TMEM232: variants seen among roughly 807,000 people sequenced by gnomAD.
The protein encoded by TMEM232 is transmembrane protein 232.
TMEM232 carries 80 observed loss-of-function variants against 78.8 expected under a neutral mutation model. The observed-to-expected ratio is 1.01, with a 90% CI of 0.85 to 1.22. The LOEUF is 1.22. Among genes scored for constraint, TMEM232 ranks in the 50% most tolerant of loss-of-function variants. TMEM232 has a pLI of 0.00. For synonymous variants in TMEM232, 297 were observed against 254.3 expected, an observed-to-expected ratio of 1.17 and a Z score of -1.60; for missense variants, 881 against 742.2, an observed-to-expected ratio of 1.19 and a Z score of -2.17.
chr5:110,440,754 ACG>A (rs1554078837), intron 12 of TMEM232, among the ~76,000 whole-genome samples: 12 of 152,266 alleles, frequency 7.9e-5, no homozygotes, highest in Non-Finnish European at 2.9e-5. Context: ...GAGGCAACCT[ACG>A]CACTATCTTC....
chr5:110,713,037 G>T (rs755207806), intron 1 of TMEM232, among the ~76,000 whole-genome samples: 2 of 151,886 alleles, frequency 1.3e-5, no homozygotes, highest in Non-Finnish European at 2.9e-5. Flanking sequence ...AGTGGATAGA[G>T]AAAATGTTTT....
chr5:110,629,267 T>C (rs894126903), intron 5 of TMEM232, among the ~76,000 whole-genome samples: 4 of 151,980 alleles, frequency 2.6e-5, no homozygotes, highest in Admixed American at 2.0e-4. Context: ...AAAAATGTAA[T>C]AGGGGACAAA....
intron 2 of TMEM232, among the ~76,000 whole-genome samples, chr5:110,661,112 T>C (rs1449279870): frequency 1.3e-5 from 2 of 152,228 alleles, no homozygotes; most frequent in African/African-American, 4.8e-5. Flanking sequence ...CTGAATTATT[T>C]TACTTAACAT....
chr5:110,695,596 C>A (rs907517535), intron 1 of TMEM232, among the ~76,000 whole-genome samples: 3 of 151,986 alleles, frequency 2.0e-5, no homozygotes, highest in Non-Finnish European at 4.4e-5. Flanking sequence ...ATCAAATAGA[C>A]ACAATAAAAA....
chr5:110,565,038 T>G (rs2149672966), intron 11 of TMEM232, among the ~76,000 whole-genome samples: 1 of 152,118 alleles, frequency 6.6e-6, no homozygotes, highest in South Asian at 2.1e-4. Context: ...ACTTCATAGC[T>G]TACTTATCCT....
At chr5:110,408,015 AT>A (rs1351757004) in intron 2 of TMEM232, among the ~76,000 whole-genome samples, 2 of 152,104 alleles carry the variant, frequency 1.3e-5, no homozygotes, top group African/African-American at 4.8e-5. Flanking sequence ...TGAAATTTAA[AT>A]TTTTTTAAAC....
At chr5:110,576,493 T>G (rs894488870) in intron 10 of TMEM232, among the ~76,000 whole-genome samples, 6 of 152,220 alleles carry the variant, frequency 3.9e-5, no homozygotes, top group Admixed American at 1.3e-4. Flanking sequence ...CTATTCCTAT[T>G]AAACTATCAC....
At chr5:110,485,836 G>A (rs866492062) in intron 12 of TMEM232, among the ~76,000 whole-genome samples, 1 of 151,974 alleles carries the variant, frequency 6.6e-6, no homozygotes, top group Non-Finnish European at 1.5e-5. Flanking sequence ...GATACCCAGT[G>A]GTGAGATTGT....
At chr5:110,642,402 A>C in intron 2 of TMEM232, 31 bp from the exon 3 acceptor site, 3 of 1,449,952 alleles carry the variant, frequency 2.1e-6, no homozygotes, top group Non-Finnish European at 2.8e-6. Context: ...TTAACATTTA[A>C]AAAGTATAGC....
intron 6 of TMEM232, 80 bp from the exon 7 acceptor site, chr5:110,625,513 C>T (rs1580407222): frequency 3.1e-6 from 4 of 1,296,798 alleles, no homozygotes; most frequent in East Asian, 5.4e-5. Context: ...AGCTATTAAA[C>T]TATAATTAAA....
intron 8 of TMEM232, among the ~76,000 whole-genome samples, chr5:110,606,980 A>G (rs1229689123): frequency 1.3e-5 from 2 of 151,830 alleles, no homozygotes; most frequent in Non-Finnish European, 2.9e-5. Flanking sequence ...ATAGCTGTTT[A>G]TTGCCTTGAT....
chr5:110,396,468 A>G (rs1250744612), intron 3 of TMEM232, among the ~76,000 whole-genome samples: 1 of 152,166 alleles, frequency 6.6e-6, no homozygotes, highest in Non-Finnish European at 1.5e-5. Context: ...CTAACTGTAA[A>G]CTGTATACAC....
In TMEM232 at chr5:110,402,347, T is replaced by C. The variant is rs900246306; in HGVS notation, n.309-4493A>G. On this transcript the variant is annotated intron_variant and non_coding_transcript_variant, in intron 2 of 8. Coordinates refer to the TMEM232 transcript ENST00000507188. The stretch of plus-strand genomic sequence containing the variant: ...TGCAGTCTTACAAAGTATTGACTTA[T>C]AGAAATGGCTCTTTCAGGACTTCAA... 3.9e-5 allele frequency among the ~76,000 whole-genome samples: 6 copies of C among 152,244 alleles called. 1 individual carries two copies. The East Asian group carries it at 1.2e-3, about 29-fold the overall frequency.
At chr5:110,724,669 C>G (rs1275037536) in intron 1 of TMEM232, among the ~76,000 whole-genome samples, 1 of 151,872 alleles carries the variant, frequency 6.6e-6, no homozygotes, top group Non-Finnish European at 1.5e-5. Context: ...ATTTAACTGG[C>G]CTTCTGCAGA....
At chr5:110,555,835 C>T (rs1296182966) in intron 11 of TMEM232, among the ~76,000 whole-genome samples, 1 of 152,052 alleles carries the variant, frequency 6.6e-6, no homozygotes, top group African/African-American at 2.4e-5. Flanking sequence ...TTTTTATTTT[C>T]GTATTGCTTC....
At chr5:110,418,272 T>C (rs1756340294), downstream of TMEM232, 1 of 152,164 alleles carries the variant, frequency 6.6e-6, no homozygotes, top group Non-Finnish European at 1.5e-5. Context: ...GATATCACTC[T>C]TTACATAAAT....
intron 11 of TMEM232, among the ~76,000 whole-genome samples, chr5:110,561,646 CT>C (rs1220223612): frequency 6.6e-6 from 1 of 152,052 alleles, no homozygotes; most frequent in Non-Finnish European, 1.5e-5. Flanking sequence ...AACTAAGAGG[CT>C]TAACACAACC....
chr5:110,544,842 T>C (rs760274047), intron 11 of TMEM232, among the ~76,000 whole-genome samples: 18 of 152,142 alleles, frequency 1.2e-4, no homozygotes, highest in Non-Finnish European at 2.2e-4. Context: ...GACCATTTTA[T>C]TGCCAGTACC....
At chr5:110,423,445 C>T (rs772733198) in intron 13 of TMEM232, among the ~76,000 whole-genome samples, 13 of 152,006 alleles carry the variant, frequency 8.6e-5, no homozygotes, top group Non-Finnish European at 1.8e-4. Flanking sequence ...GTGATATATA[C>T]ATGAATACTG....
Sources: gnomAD v4.1 joint callset for allele counts (sites outside exome capture counted in the v4.1 genomes callset) on GRCh38, gnomAD v4.1.1 for gene constraint, MANE v1.5 for transcripts, NCBI Gene and HGNC (gene_info 2026-07-23, HGNC 2026-07-21) for gene names.